Variants in NTM observed in about 807,000 individuals in gnomAD.
The protein encoded by NTM is neurotrimin, also known as IgLON family member 2.
NTM carries 13 observed loss-of-function variants against 42.1 expected under a neutral mutation model. The observed-to-expected ratio is 0.31, with a 90% CI of 0.20 to 0.49. NTM has a LOEUF of 0.49. NTM is among the 20% of genes least tolerant of loss of function. The probability of loss-of-function intolerance (pLI) is 0.99; values close to 1 mark genes in which losing one functional copy is unlikely to be tolerated. For synonymous variants in NTM, 187 were observed against 179.2 expected, an observed-to-expected ratio of 1.04 and a Z score of -0.35; for missense variants, 373 against 452.8, an observed-to-expected ratio of 0.82 and a Z score of 1.60.
chr11:132,017,846 G>A (rs1335260578), intron 2 of NTM, among the ~76,000 whole-genome samples: 3 of 151,908 alleles, frequency 2.0e-5, no homozygotes, highest in Non-Finnish European at 2.9e-5. Context: ...GTAGTTTTCA[G>A]TGTAGGCATT....
chr11:131,777,171 C>A, intron 1 of NTM: 1 of 584,518 alleles, frequency 1.7e-6, no homozygotes, highest in Non-Finnish European at 2.2e-6. Context: ...CCCACTACTG[C>A]CTTGGTAGAG....
At position 132,134,735 on chromosome 11, in the gene NTM, A is replaced by G. The variant is rs112789744; in HGVS notation, c.168-11547A>G. Among the ~76,000 whole-genome samples the G allele has an allele frequency of 9.1e-3, 698 of 76,642 alleles. 38 individuals carry two copies. The highest frequency in any genetic ancestry group is 0.04 in the African/African-American group (486 of 12,216). 50.3% of individuals were successfully genotyped at this position (76,642 alleles called of 152,430 possible). A position where few individuals can be genotyped will look rare whatever the true frequency, so the allele number is the denominator to read the frequency against. On this transcript the variant is annotated intron_variant, in intron 2 of 8. Transcript: ENST00000683400. ...TATATATATATATATATATATATAT[A>G]TATATATATATATATATATATATAT...
At chr11:131,708,136 A>G (rs937786276) in intron 1 of NTM, among the ~76,000 whole-genome samples, 6 of 152,172 alleles carry the variant, frequency 3.9e-5, no homozygotes, top group African/African-American at 1.4e-4. Flanking sequence ...TGAAAAATAA[A>G]TGAATTAAGA....
Position 131,374,185 on chromosome 11 carries a change from G to A in NTM, c.82+3297G>A, listed in dbSNP as rs1941633688. Among the ~76,000 whole-genome samples, 2 of 152,236 alleles carry A rather than the reference G, an allele frequency of 1.3e-5. 1 individual carries two copies. The highest frequency in any genetic ancestry group is 1.3e-4 in the Admixed American group (2 of 15,292). On this transcript the variant is annotated intron_variant, in intron 1 of 8. Coordinates refer to ENST00000683400, the MANE Select transcript of NTM (RefSeq NM_001352005.2). ...GGGCGTCAGGGAGCCTCATCGAATG[G>A]AACCTGCCTGCCAGGCTTGGGGCTG... is the stretch of plus-strand genomic sequence containing the variant.
At chr11:132,101,293 G>A (rs2061583511) in intron 2 of NTM, among the ~76,000 whole-genome samples, 1 of 152,126 alleles carries the variant, frequency 6.6e-6, no homozygotes, top group South Asian at 2.1e-4. Context: ...AGATGGCTGA[G>A]CAGCAGCCAT....
rs193278582 is a variant in NTM at position 131,434,129 on chromosome 11, A to G, written c.82+63241A>G. Reference sequence around the variant, plus strand: ...ATGTCCCTACAAAGGACATGAACTCATCCTTTTTATGGCTGCATAATATTC... The same window carrying G: ...ATGTCCCTACAAAGGACATGAACTCGTCCTTTTTATGGCTGCATAATATTC... On this transcript the variant is annotated intron_variant, in intron 1 of 8. Transcript: ENST00000683400. Among the ~76,000 whole-genome samples the G allele has an allele frequency of 2.8e-4, 43 of 152,274 alleles. No individual in the cohort carries two copies. The East Asian group carries it at 8.1e-3, about 29-fold the overall frequency.
chr11:131,716,912 C>A (rs969694035), intron 1 of NTM, among the ~76,000 whole-genome samples: 1 of 152,142 alleles, frequency 6.6e-6, no homozygotes, highest in African/African-American at 2.4e-5. Flanking sequence ...ACAATCATAG[C>A]TCTCTGCAGC....
intron 1 of NTM, among the ~76,000 whole-genome samples, chr11:131,900,542 T>C (rs1480972856): frequency 6.6e-6 from 1 of 151,722 alleles, no homozygotes; most frequent in African/African-American, 2.4e-5. Flanking sequence ...GATAAGAAAA[T>C]GAGGAGATCT....
intron 2 of NTM, among the ~76,000 whole-genome samples, chr11:132,129,084 TG>T (rs2066369850): frequency 6.6e-6 from 1 of 151,982 alleles, no homozygotes; most frequent in Non-Finnish European, 1.5e-5. Context: ...AAAGTGCCGC[TG>T]GAAAAGTGTA....
At chr11:132,314,724 G>A (rs1193148649) in intron 7 of NTM, 21 bp downstream of exon 7, 2 of 1,601,610 alleles carry the variant, frequency 1.2e-6, no homozygotes, top group Admixed American at 3.4e-5. Flanking sequence ...GCTCTGAGCT[G>A]GGCAAGAAGA....
chr11:131,478,664 G>T (rs1953220238), intron 1 of NTM, among the ~76,000 whole-genome samples: 1 of 152,176 alleles, frequency 6.6e-6, no homozygotes, highest in African/African-American at 2.4e-5. Context: ...GACCACGGTG[G>T]TTATAATTGT....
chr11:131,845,193 T>G (rs1056499693), intron 1 of NTM, among the ~76,000 whole-genome samples: 7 of 152,252 alleles, frequency 4.6e-5, no homozygotes, highest in African/African-American at 1.7e-4. Context: ...TTGTTCTGTA[T>G]TCTTTGAAAT....
intron 2 of NTM, among the ~76,000 whole-genome samples, chr11:131,936,907 C>T (rs541835628): frequency 1.2e-4 from 19 of 152,248 alleles, no homozygotes; most frequent in East Asian, 5.8e-4. Context: ...TATTCTGTGA[C>T]GGGTGATGTA....
chr11:131,989,802 T>A (rs1483623843), intron 2 of NTM, among the ~76,000 whole-genome samples: 1 of 152,064 alleles, frequency 6.6e-6, no homozygotes, highest in Non-Finnish European at 1.5e-5. Flanking sequence ...AGGTTCTATT[T>A]AGGTCATGCA....
intron 1 of NTM, among the ~76,000 whole-genome samples, chr11:131,418,838 G>T (rs889403860): frequency 6.6e-6 from 1 of 152,166 alleles, no homozygotes; most frequent in African/African-American, 2.4e-5. Flanking sequence ...TCATATGTAT[G>T]CAAAGTCTCA....
At chr11:131,796,249 C>A (rs73595140) in intron 1 of NTM, 6 of 828,668 alleles carry the variant, frequency 7.2e-6, no homozygotes, top group Non-Finnish European at 8.7e-6. Context: ...TGCACAGGTG[C>A]GGCCCAGCCC....
At chr11:131,498,232 T>TG (rs887561901) in intron 1 of NTM, among the ~76,000 whole-genome samples, 5 of 152,188 alleles carry the variant, frequency 3.3e-5, no homozygotes, top group African/African-American at 1.2e-4. Context: ...GTTCAAACTC[T>TG]GGCTCTACCA....
At chr11:132,189,194 A>G (rs1181015551) in intron 3 of NTM, among the ~76,000 whole-genome samples, 3 of 152,140 alleles carry the variant, frequency 2.0e-5, no homozygotes, top group African/African-American at 7.2e-5. Context: ...TGGAACTGAG[A>G]TTTGTTTCTC....
At chr11:131,976,595 C>T (rs1013438607) in intron 2 of NTM, among the ~76,000 whole-genome samples, 4 of 152,188 alleles carry the variant, frequency 2.6e-5, no homozygotes, top group African/African-American at 7.2e-5. Flanking sequence ...TTCCTCTCCA[C>T]CCTCTTTCAC....
Sources: allele counts gnomAD v4.1 joint callset (sites outside exome capture counted in the v4.1 genomes callset), GRCh38; gene constraint gnomAD v4.1.1; transcripts MANE v1.5; gene names NCBI Gene and HGNC (gene_info 2026-07-23, HGNC 2026-07-21).